Variants in ZNF469 observed in about 807,000 individuals in gnomAD.
ZNF469 encodes the protein zinc finger protein 469.
In ZNF469, 1 loss-of-function variant was observed where a neutral mutation model predicts 1.0. That is an observed-to-expected ratio of 1.00 (90% CI 0.35 to 4.73). The LOEUF (loss-of-function observed/expected upper bound fraction) is 4.73, where lower values mean the gene tolerates loss of function less well. Ranked by LOEUF, ZNF469 falls within the 30% of genes most tolerant of loss-of-function variation. ZNF469 has a pLI of 0.16. For synonymous variants in ZNF469, 2,703 were observed against 2,363.4 expected, an observed-to-expected ratio of 1.14 and a Z score of -4.17; for missense variants, 6,100 against 5,356.3, an observed-to-expected ratio of 1.14 and a Z score of -4.33.
At chr16:88,387,836 C>T (rs1044438397) in intron 1 of ZNF469, among the ~76,000 whole-genome samples, 5 of 152,156 alleles carry the variant, frequency 3.3e-5, no homozygotes, top group African/African-American at 9.7e-5. Flanking sequence ...AGGAGCTCTG[C>T]CCCCCGCCGT....
chr16:88,333,088 G>A, the ZNF469 span, among the ~76,000 whole-genome samples: 1 of 152,210 alleles, frequency 6.6e-6, no homozygotes, highest in Non-Finnish European at 1.5e-5. Context: ...AGAGGGAGGA[G>A]GCCTGCTGGG....
Position 88,438,186 on chromosome 16 carries a change from C to A in ZNF469, c.10716C>A (p.Asp3572Glu), listed in dbSNP as rs928356397. The change falls in exon 3 of 3, where the codon GAC becomes GAA. Residue 3572 changes from aspartate to glutamate, a missense_variant. Physicochemically the swap from Asp to Glu is conservative, Grantham distance 45 (BLOSUM62 2). Coordinates refer to ENST00000565624, the MANE Select transcript of ZNF469 (RefSeq NM_001367624.2). ...ATGGCAGAGGAGACTGCGCGCTGGA[C>A]GGAGCCCTGGAGAGGCCAGAGAACG... is the stretch of plus-strand genomic sequence containing the variant. ...LADGRGDCAL[D>E]GALERPENEA... 6.5e-7 allele frequency: 1 copy of A among 1,548,826 alleles called. No individual in the cohort carries two copies. The highest frequency in any genetic ancestry group is 8.7e-7 in the Non-Finnish European group (1 of 1,145,960).
At chr16:88,305,469 C>G in the ZNF469 span, among the ~76,000 whole-genome samples, 2 of 151,306 alleles carry the variant, frequency 1.3e-5, no homozygotes, top group East Asian at 2.0e-4. Context: ...CACGCACACC[C>G]TCACACGTGC....
the ZNF469 span, among the ~76,000 whole-genome samples, chr16:88,246,883 A>G: frequency 1.9e-4 from 29 of 151,034 alleles, no homozygotes; most frequent in African/African-American, 6.6e-4. Context: ...GAGTGAATGA[A>G]TGAGTGAGTG....
chr16:88,120,370 G>A, the ZNF469 span, among the ~76,000 whole-genome samples: 103 of 152,376 alleles, frequency 6.8e-4, no homozygotes, highest in African/African-American at 2.4e-3. Flanking sequence ...TTCCTCCATC[G>A]GAGCTTGGTG....
chr16:88,345,785 G>A, the ZNF469 span, among the ~76,000 whole-genome samples: 4 of 152,180 alleles, frequency 2.6e-5, no homozygotes, highest in Non-Finnish European at 5.9e-5. Flanking sequence ...AGGGTTTTAC[G>A]AGAGTCAGCT....
At chr16:88,262,955 C>G in the ZNF469 span, among the ~76,000 whole-genome samples, 6 of 152,246 alleles carry the variant, frequency 3.9e-5, no homozygotes, top group Admixed American at 1.3e-4. This position sits in a 1 kb window ranked among gnomAD's most constrained non-coding sequence, Gnocchi z 4.3. Context: ...GCTGGGCTCC[C>G]TCTCAGTGGA....
At chr16:88,338,018 G>A in the ZNF469 span, among the ~76,000 whole-genome samples, 4 of 152,078 alleles carry the variant, frequency 2.6e-5, no homozygotes, top group Admixed American at 2.6e-4. Context: ...TTTTCCTCTG[G>A]TTGCTGTGCT....
chr16:88,374,477 C>G, the ZNF469 span, among the ~76,000 whole-genome samples: 1 of 152,298 alleles, frequency 6.6e-6, no homozygotes, highest in African/African-American at 2.4e-5. Context: ...AGGAACATAG[C>G]TGGGGGCCCC....
At chr16:88,419,130 C>T (rs1488650843) in intron 1 of ZNF469, among the ~76,000 whole-genome samples, 1 of 152,246 alleles carries the variant, frequency 6.6e-6, no homozygotes, top group Non-Finnish European at 1.5e-5. Context: ...CCGGAGGCTG[C>T]TGCCCAGCGG....
At chr16:88,330,058 A>G in the ZNF469 span, among the ~76,000 whole-genome samples, 7 of 152,250 alleles carry the variant, frequency 4.6e-5, 1 homozygote. Flanking sequence ...AATGCCAGGC[A>G]TAGGCAAAGC....
At chr16:88,269,059 G>T in the ZNF469 span, among the ~76,000 whole-genome samples, 1 of 152,230 alleles carries the variant, frequency 6.6e-6, no homozygotes, top group South Asian at 2.1e-4. Context: ...CTGGGTGAGG[G>T]CTGGGTATGC....
intron 1 of ZNF469, among the ~76,000 whole-genome samples, chr16:88,401,370 G>A (rs562362237): frequency 3.3e-5 from 5 of 151,432 alleles, no homozygotes; most frequent in South Asian, 2.1e-4. Context: ...GCAGTAAGCC[G>A]AGGGCTAGAA....
the ZNF469 span, among the ~76,000 whole-genome samples, chr16:88,238,527 G>A: frequency 1.3e-5 from 2 of 152,212 alleles, no homozygotes; most frequent in African/African-American, 4.8e-5. Flanking sequence ...GACTGCCTGG[G>A]TCTTTCCAAG....
intron 1 of ZNF469, among the ~76,000 whole-genome samples, chr16:88,417,175 G>A (rs560607821): frequency 9.2e-5 from 13 of 140,952 alleles, no homozygotes; most frequent in Non-Finnish European, 1.6e-4. Context: ...TGCCCAGAGC[G>A]TCGCTGCAAG....
chr16:88,433,770 G>GGATA lies in ZNF469; in HGVS notation c.6302_6305dup (p.Ser2102ArgfsTer2). 6.5e-7 allele frequency: 1 copy of GGATA among 1,549,582 alleles called. No individual in the cohort carries two copies. Among genetic ancestry groups the GGATA allele is most frequent in the Non-Finnish European group, 8.7e-7 (1 of 1,146,882 alleles). On this transcript the variant is annotated frameshift_variant, in exon 3 of 3. Coordinates refer to ENST00000565624, the MANE Select transcript of ZNF469 (RefSeq NM_001367624.2). LOFTEE classifies it low-confidence loss of function (END_TRUNC). The stretch of plus-strand genomic sequence containing the variant: ...TGAACAAGCCACTGCTGGCCACAGG[G>GGATA]GATAGCCCAGCACCCTCTGTCGGGG...
rs545144029 is a variant in ZNF469, at chr16:88,437,580, C to T, written c.10110C>T (p.Cys3370=). ...SPQRVYLCPR[C]PRVYPEHGEL... ...AGCGCGTCTACCTGTGCCCCCGGTG[C>T]CCCCGGGTCTACCCCGAGCACGGGG... The change falls in exon 3 of 3, where the codon TGC becomes TGT. Residue 3370 remains cysteine (C), a synonymous_variant. Coordinates refer to ENST00000565624, the MANE Select transcript of ZNF469 (RefSeq NM_001367624.2). 4.2e-5 allele frequency: 64 copies of T among 1,535,680 alleles called. No homozygotes were observed. In the South Asian group the frequency reaches 7.2e-4, roughly 17 times the overall value.
At chr16:88,124,101 C>A in the ZNF469 span, among the ~76,000 whole-genome samples, 2 of 151,336 alleles carry the variant, frequency 1.3e-5, no homozygotes, top group African/African-American at 4.9e-5. Flanking sequence ...ACGCACCCAG[C>A]CAGTTTCACT....
At chr16:88,388,501 G>A (rs1013356867) in intron 1 of ZNF469, among the ~76,000 whole-genome samples, 1 of 152,266 alleles carries the variant, frequency 6.6e-6, no homozygotes, top group African/African-American at 2.4e-5. Context: ...AGGTGGCTGT[G>A]TGTAAACAGA....
Sources: gnomAD v4.1 joint callset for allele counts (sites outside exome capture counted in the v4.1 genomes callset) on GRCh38, gnomAD v4.1.1 for gene constraint, Gnocchi (gnomAD v3.1) non-coding constraint, MANE v1.5 for transcripts, NCBI Gene and HGNC (gene_info 2026-07-23, HGNC 2026-07-21) for gene names.